Variants in FARS2 observed in about 807,000 individuals in gnomAD.
FARS2 encodes phenylalanyl-tRNA synthetase 2, mitochondrial, also known as phenylalanine--tRNA ligase, mitochondrial.
In FARS2, 40 loss-of-function variants were observed where a neutral mutation model predicts 46.4. That is an observed-to-expected ratio of 0.86 (90% confidence interval 0.67 to 1.12). The LOEUF is 1.12. FARS2 is among the 50% of genes most tolerant of loss of function. FARS2 has a pLI of 0.00. For missense variants in FARS2, 513 were observed against 567.9 expected, an observed-to-expected ratio of 0.90 and a Z score of 0.98; for synonymous variants, 234 against 214.9, an observed-to-expected ratio of 1.09 and a Z score of -0.78.
At chr6:5,644,232 T>A (rs1776963967) in intron 6 of FARS2, among the ~76,000 whole-genome samples, 1 of 152,136 alleles carries the variant, frequency 6.6e-6, no homozygotes, top group African/African-American at 2.4e-5. Context: ...TTTTTTTCTT[T>A]TTTTGAGACA....
At chr6:5,665,515 A>T (rs1778070397) in intron 6 of FARS2, 1 of 152,178 alleles carries the variant, frequency 6.6e-6, no homozygotes, top group African/African-American at 2.4e-5. Context: ...GTGTGTGTGG[A>T]TGAGGTGATT....
At chr6:5,503,025 A>T (rs1364900693) in intron 4 of FARS2, among the ~76,000 whole-genome samples, 1 of 152,164 alleles carries the variant, frequency 6.6e-6, no homozygotes, top group Admixed American at 6.5e-5. Flanking sequence ...AATGTTTATG[A>T]TCAAATTATT....
upstream of FARS2, chr6:5,260,601 C>CCGGCCCCGGG: frequency 5.0e-6 from 6 of 1,202,664 alleles, no homozygotes; most frequent in Non-Finnish European, 7.0e-6. Context: ...CCCCCGGTCC[C>CCGGCCCCGGG]CGGCCCCTGG....
chr6:5,621,789 C>T (rs1775787858), intron 6 of FARS2, among the ~76,000 whole-genome samples: 1 of 152,196 alleles, frequency 6.6e-6, no homozygotes, highest in Admixed American at 6.5e-5. Context: ...GGGAATTTAT[C>T]TCAGGATACA....
At chr6:5,537,696 G>C (rs1371098336) in intron 4 of FARS2, among the ~76,000 whole-genome samples, 1 of 152,228 alleles carries the variant, frequency 6.6e-6, no homozygotes, top group South Asian at 2.1e-4. Flanking sequence ...CTTTGCAAAT[G>C]CTTCCCTCTC....
intron 1 of FARS2, among the ~76,000 whole-genome samples, chr6:5,334,142 T>A (rs1431756344): frequency 2.0e-5 from 3 of 152,326 alleles, no homozygotes; most frequent in African/African-American, 4.8e-5. Context: ...GGACTTTTTT[T>A]AAAAGTCCTC....
At chr6:5,294,936 A>C (rs1479178360) in intron 1 of FARS2, among the ~76,000 whole-genome samples, 1 of 152,182 alleles carries the variant, frequency 6.6e-6, no homozygotes, top group Admixed American at 6.5e-5. Context: ...CACTATCAGA[A>C]AGCTGAGGGA....
At chr6:5,413,932 T>A (rs1762077654) in intron 3 of FARS2, among the ~76,000 whole-genome samples, 1 of 152,208 alleles carries the variant, frequency 6.6e-6, no homozygotes, top group African/African-American at 2.4e-5. Flanking sequence ...CTGTGGATTT[T>A]GTGCTTAGTT....
chr6:5,490,229 G>A (rs563843432), intron 4 of FARS2, among the ~76,000 whole-genome samples: 1 of 152,188 alleles, frequency 6.6e-6, no homozygotes, highest in Non-Finnish European at 1.5e-5. Flanking sequence ...TTAATATTTT[G>A]TTCTTTGTAA....
chr6:5,253,707 GA>G, the FARS2 span, among the ~76,000 whole-genome samples: 1 of 152,102 alleles, frequency 6.6e-6, no homozygotes, highest in East Asian at 1.9e-4. Flanking sequence ...AGCAATCATG[GA>G]AACTGATCCT....
intron 4 of FARS2, among the ~76,000 whole-genome samples, chr6:5,499,325 C>T (rs1405418417): frequency 6.6e-6 from 1 of 152,060 alleles, no homozygotes; most frequent in Non-Finnish European, 1.5e-5. Context: ...TGGTGCTTCC[C>T]TAGTGGTTTT....
intron 4 of FARS2, among the ~76,000 whole-genome samples, chr6:5,526,318 T>C (rs1769462363): frequency 6.6e-6 from 1 of 152,224 alleles, no homozygotes; most frequent in Admixed American, 6.5e-5. Context: ...TGAGAATAAA[T>C]CTTAAAAGGC....
chr6:5,510,281 C>T (rs940425492), intron 4 of FARS2, among the ~76,000 whole-genome samples: 1 of 152,076 alleles, frequency 6.6e-6, no homozygotes, highest in African/African-American at 2.4e-5. Context: ...GTTAGTCGAC[C>T]CCTTAGGGAA....
chr6:5,592,847 A>C (rs1773992883), intron 5 of FARS2, among the ~76,000 whole-genome samples: 2 of 152,230 alleles, frequency 1.3e-5, no homozygotes, highest in Non-Finnish European at 2.9e-5. Flanking sequence ...AGAAAAGCCC[A>C]GAAAGGAGGA....
At chr6:5,574,250 A>G (rs1397491193) in intron 5 of FARS2, among the ~76,000 whole-genome samples, 1 of 152,006 alleles carries the variant, frequency 6.6e-6, no homozygotes, top group East Asian at 1.9e-4. Context: ...TCAGCCTCCC[A>G]AGTAGCTGGG....
upstream of FARS2, chr6:5,260,602 C>CCGGCCCCGG: frequency 4.2e-6 from 5 of 1,203,592 alleles, no homozygotes; most frequent in Non-Finnish European, 5.8e-6. Context: ...CCCCGGTCCC[C>CCGGCCCCGG]GGCCCCTGGC....
At chr6:5,432,321 A>AT (rs1763219240) in intron 4 of FARS2, among the ~76,000 whole-genome samples, 3 of 39,046 alleles carry the variant, frequency 7.7e-5, no homozygotes, top group African/African-American at 1.4e-4. Flanking sequence ...TCTTAAAAAA[A>AT]AAAAAAATAT....
chr6:5,427,514 G>A (rs892049235), intron 3 of FARS2, among the ~76,000 whole-genome samples: 1 of 152,082 alleles, frequency 6.6e-6, no homozygotes, highest in Non-Finnish European at 1.5e-5. Flanking sequence ...ATTTTAAAAC[G>A]AAACTGAGCA....
chr6:5,546,476 T>G (rs1476995999), intron 5 of FARS2, among the ~76,000 whole-genome samples: 2 of 151,572 alleles, frequency 1.3e-5, no homozygotes, highest in Admixed American at 6.6e-5. Flanking sequence ...GGTCTCAAAC[T>G]CCTGACCTTG....
Sources: gnomAD v4.1 joint callset for allele counts (sites outside exome capture counted in the v4.1 genomes callset) on GRCh38, gnomAD v4.1.1 for gene constraint, MANE v1.5 for transcripts, NCBI Gene and HGNC (gene_info 2026-07-23, HGNC 2026-07-21) for gene names.